The following PABIR3 variants were observed in gnomAD, a reference collection of about 807,000 sequenced individuals.
PABIR3 encodes the protein PABIR family member 3, also known as PABIR family member 1.
Under a neutral mutation model 23.1 loss-of-function variants are expected in PABIR3, and 20 were observed. The observed-to-expected ratio is 0.86, with a 90% CI of 0.61 to 1.26. The LOEUF (loss-of-function observed/expected upper bound fraction) is 1.26, where lower values mean the gene tolerates loss of function less well. PABIR3 is among the 50% of genes most tolerant of loss of function. The pLI, the probability that PABIR3 is intolerant of heterozygous loss-of-function variation, is 0.00. For missense variants in PABIR3, 189 were observed against 195.4 expected (o/e 0.97, Z 0.20); for synonymous variants, 69 against 68.5 (o/e 1.01, Z -0.04).
upstream of PABIR3, among the ~76,000 whole-genome samples, chrX:134,802,968 G>A (rs1352398773): frequency 8.9e-6 from 1 of 112,533 alleles, no homozygotes; most frequent in Non-Finnish European, 1.9e-5. Context: ...ATTATCTCAG[G>A]GTTTTGACAC....
chrX:134,852,191 C>T (rs892595044), intron 9 of PABIR3, among the ~76,000 whole-genome samples: 6 of 111,962 alleles, frequency 5.4e-5, no homozygotes, highest in Non-Finnish European at 5.6e-5. Flanking sequence ...AATCATCTTG[C>T]AGGCCGGGCA....
rs1160234959 is a variant in PABIR3, at chrX:134,828,403, T to C, written c.190-823T>C. Among the ~76,000 whole-genome samples, 3 of 111,578 alleles carry C rather than the reference T, an allele frequency of 2.7e-5. No individual in the cohort carries two copies. In the Middle Eastern group the frequency reaches 0.014, roughly 509 times the overall value. On this transcript the variant is annotated intron_variant, in intron 3 of 10. Transcript: ENST00000645433. ...ACCGCGCCCGGCCTCATTCAATATTTTGAATGTACAACTCAATGTGCTCTT... is the reference window on the plus strand; with the variant it reads ...ACCGCGCCCGGCCTCATTCAATATTCTGAATGTACAACTCAATGTGCTCTT...
At chrX:134,818,345 GAGA>G (rs1236158538) in intron 3 of PABIR3, among the ~76,000 whole-genome samples, 2 of 111,390 alleles carry the variant, frequency 1.8e-5, no homozygotes, top group African/African-American at 6.5e-5. Flanking sequence ...AGAAAGAGCA[GAGA>G]AGAAGTTGCA....
downstream of PABIR3, among the ~76,000 whole-genome samples, chrX:134,855,751 T>A (rs1372385034): frequency 8.9e-6 from 1 of 111,932 alleles, no homozygotes; most frequent in Non-Finnish European, 1.9e-5. Flanking sequence ...TCTATTCAAT[T>A]ATGAATAGAT....
chrX:134,864,154 G>A, the PABIR3 span, among the ~76,000 whole-genome samples: 1 of 110,208 alleles, frequency 9.1e-6, no homozygotes, highest in East Asian at 2.8e-4. Flanking sequence ...CAGTTCAAGT[G>A]ATTCTCCTGC....
At chrX:134,839,687 T>A (rs767087979) in intron 4 of PABIR3, 1 of 88,643 alleles carries the variant, frequency 1.1e-5, no homozygotes, top group South Asian at 5.3e-4. Flanking sequence ...AGGAGGGAGG[T>A]GGGGGGGTCA....
intron 4 of PABIR3, among the ~76,000 whole-genome samples, chrX:134,831,370 A>G (rs951170654): frequency 2.7e-5 from 3 of 111,822 alleles, no homozygotes; most frequent in Non-Finnish European, 3.8e-5. Flanking sequence ...TGCCTGGCAT[A>G]AGTTGCATAT....
intron 9 of PABIR3, among the ~76,000 whole-genome samples, chrX:134,852,581 G>A (rs1427339291): frequency 9.1e-6 from 1 of 110,163 alleles, no homozygotes; most frequent in Non-Finnish European, 1.9e-5. Flanking sequence ...ATTATATACG[G>A]TACAAACCCA....
intron 3 of PABIR3, among the ~76,000 whole-genome samples, chrX:134,819,178 G>A (rs2081145949): frequency 1.8e-5 from 2 of 109,793 alleles, no homozygotes; most frequent in East Asian, 2.9e-4. Flanking sequence ...CTCGTGATCC[G>A]CCTGCCTCGG....
chrX:134,829,691 A>G (rs1045225349), intron 4 of PABIR3, among the ~76,000 whole-genome samples: 15 of 110,386 alleles, frequency 1.4e-4, no homozygotes, highest in African/African-American at 4.3e-4. Flanking sequence ...TCAGGGACAC[A>G]TTGTACCTCA....
At position 134,807,493 on chromosome X, in the gene PABIR3, C is replaced by CT. The variant is rs747327273; in HGVS notation, c.-59-42dup. ...GCCTAAGAGCTTTCTCCTCTCTTCT[C>CT]TTTTTCCCCTTTGCCTCTCTCCTTA... On this transcript the variant is annotated intron_variant, in intron 1 of 10. Coordinates refer to ENST00000645433, the MANE Select transcript of PABIR3 (RefSeq NM_001388447.1). 12 of 1,157,164 alleles carry CT rather than the reference C, an allele frequency of 1.0e-5. No individual in the cohort carries two copies. The East Asian group carries it at 1.5e-4, about 15-fold the overall frequency.
chrX:134,801,942 T>C (rs1386129338), intron 1 of PABIR3, among the ~76,000 whole-genome samples: 3 of 108,898 alleles, frequency 2.8e-5, no homozygotes, highest in Non-Finnish European at 5.7e-5. Context: ...AGGAGGTTTG[T>C]CCCATGGTGG....
chrX:134,844,142 C>T (rs1006258550), intron 4 of PABIR3: 9 of 109,863 alleles, frequency 8.2e-5, no homozygotes, highest in African/African-American at 2.6e-4. Context: ...CCAGACTGGT[C>T]TCGAACTCCC....
rs368523890 is a variant in PABIR3, at chrX:134,814,800, T to C, written c.140T>C (p.Met47Thr). Residue 47 changes from methionine to threonine, a missense_variant, in exon 3 of 11, where the codon ATG becomes ACG. Met to Thr is a moderately conservative substitution (Grantham distance 81). Transcript: ENST00000645433. ...AATTCACAGGTGTTGCAAGCTGACATGTTAAGAATTAGGACAAACAGAACA... is the reference window on the plus strand; with the variant it reads ...AATTCACAGGTGTTGCAAGCTGACACGTTAAGAATTAGGACAAACAGAACA... ...GFNSQVLQADMLRIRTNRTTF... is the reference protein window; with the variant it reads ...GFNSQVLQADTLRIRTNRTTF... 23 of 1,199,675 alleles carry C rather than the reference T, an allele frequency of 1.9e-5. No individual in the cohort carries two copies. The highest frequency in any genetic ancestry group is 2.5e-5 in the Non-Finnish European group (22 of 890,333).
chrX:134,807,179 C>A, upstream of PABIR3: 1 of 792,894 alleles, frequency 1.3e-6, no homozygotes, highest in South Asian at 6.5e-5. Flanking sequence ...GATAGCTTAT[C>A]GCAGGCTCTG....
rs58594767 is a variant in PABIR3 at position 134,838,096 on chromosome X, G to A, written c.247-7109G>A. On this transcript the variant is annotated intron_variant, in intron 4 of 10. Coordinates refer to ENST00000645433, the MANE Select transcript of PABIR3 (RefSeq NM_001388447.1). ...TTGTATGGTATCAAAATAGTCACAG[G>A]TTTAAGACTCAAAGCTCTTGATTTT... Among the ~76,000 whole-genome samples, 133 of 111,174 alleles carry A rather than the reference G, an allele frequency of 1.2e-3. 4 individuals carry two copies. In the East Asian group the frequency reaches 0.035, roughly 30 times the overall value.
At chrX:134,863,430 A>G in the PABIR3 span, among the ~76,000 whole-genome samples, 7 of 111,269 alleles carry the variant, frequency 6.3e-5, no homozygotes, top group Non-Finnish European at 9.4e-5. Flanking sequence ...CAAACATTGA[A>G]AAAAAAATGA....
downstream of PABIR3, among the ~76,000 whole-genome samples, chrX:134,859,832 A>C (rs139948453): frequency 4.6e-3 from 515 of 112,184 alleles, 1 homozygote; most frequent in African/African-American, 0.014. Context: ...TTGAACACCA[A>C]CAAAAACAGA....
intron 3 of PABIR3, chrX:134,822,846 A>G (rs1473891596): frequency 6.8e-6 from 1 of 146,837 alleles, no homozygotes; most frequent in African/African-American, 3.2e-5. Context: ...ATGAAATAGT[A>G]TGTACAACAG....
Sources: gnomAD v4.1 joint callset for allele counts (sites outside exome capture counted in the v4.1 genomes callset) on GRCh38, gnomAD v4.1.1 for gene constraint, MANE v1.5 for transcripts, NCBI Gene and HGNC (gene_info 2026-07-23, HGNC 2026-07-21) for gene names.